MYPN: variants seen among roughly 807,000 people sequenced by gnomAD.
The protein encoded by MYPN is sarcomeric protein myopalladin, 145 kDa (MYOP).
A neutral mutation model predicts 129.4 loss-of-function variants in MYPN; 63 were observed. That is an observed-to-expected ratio of 0.49 (90% confidence interval 0.40 to 0.60). MYPN has a LOEUF of 0.60. Ranked by LOEUF, MYPN falls within the 20% of genes least tolerant of loss-of-function variation. MYPN has a pLI of 0.00. For synonymous variants in MYPN, 629 were observed against 600.9 expected (o/e 1.05, Z -0.68); for missense variants, 1,596 against 1,635.4 (o/e 0.98, Z 0.42).
chr10:68,206,715 C>G, intron 18 of MYPN, 55 bp from the exon 19 acceptor site: 3 of 1,612,732 alleles, frequency 1.9e-6, no homozygotes, highest in Non-Finnish European at 2.5e-6. Context: ...CTAAATTTGA[C>G]AAAGGCATTT....
At chr10:68,136,870 A>G in intron 2 of MYPN, 2 of 914,672 alleles carry the variant, frequency 2.2e-6, no homozygotes, top group African/African-American at 1.7e-5. Flanking sequence ...GCCAAATGTT[A>G]TTAAAGAACA....
intron 2 of MYPN, among the ~76,000 whole-genome samples, chr10:68,130,207 C>T (rs2042387957): frequency 6.6e-6 from 1 of 152,094 alleles, no homozygotes; most frequent in Non-Finnish European, 1.5e-5. Flanking sequence ...CGCCTGTAAT[C>T]CCAGCACTTT....
At chr10:68,088,651 TAAAA>T (rs2041917506) in intron 1 of MYPN, among the ~76,000 whole-genome samples, 1 of 152,198 alleles carries the variant, frequency 6.6e-6, no homozygotes, top group African/African-American at 2.4e-5. Context: ...TCATTAATGG[TAAAA>T]ACCTTCCAGT....
upstream of MYPN, among the ~76,000 whole-genome samples, chr10:68,105,292 C>T (rs1456227257): frequency 2.6e-5 from 4 of 152,174 alleles, no homozygotes; most frequent in South Asian, 8.3e-4. Context: ...GTACCTACTT[C>T]ATAGACGTTA....
chr10:68,098,673 G>A (rs1194075384), intron 1 of MYPN, among the ~76,000 whole-genome samples: 2 of 151,946 alleles, frequency 1.3e-5, no homozygotes, highest in Admixed American at 6.6e-5. Flanking sequence ...GCAAAACCTC[G>A]TCTCTTTAAA....
At chr10:68,127,958 G>C (rs960337175) in intron 2 of MYPN, among the ~76,000 whole-genome samples, 1 of 152,172 alleles carries the variant, frequency 6.6e-6, no homozygotes, top group Middle Eastern at 3.2e-3. Context: ...TATATAATCA[G>C]TGTTTTGCCC....
intron 12 of MYPN, among the ~76,000 whole-genome samples, chr10:68,179,695 C>T (rs905096162): frequency 3.9e-5 from 6 of 152,110 alleles, no homozygotes; most frequent in African/African-American, 1.4e-4. Context: ...GAGTATCACT[C>T]TGTCACCCAG....
chr10:68,092,630 T>C (rs759880074), intron 1 of MYPN, among the ~76,000 whole-genome samples: 1 of 152,218 alleles, frequency 6.6e-6, no homozygotes, highest in Admixed American at 6.5e-5. Context: ...ATTCATGATA[T>C]GTTGATTTTC....
chr10:68,164,957 A>G (rs1249441495), intron 8 of MYPN, among the ~76,000 whole-genome samples: 2 of 152,264 alleles, frequency 1.3e-5, no homozygotes, highest in Non-Finnish European at 2.9e-5. Flanking sequence ...ATTTCAATGC[A>G]AAAGTTCCCC....
rs759998419 is a variant in MYPN, at chr10:68,142,988, C to A, written c.951C>A (p.Ile317=). ...TTGAAAATTCCCCAGATATTCACAT[C>A]GTCCAGGCAGGAAATCTGCACTCAC... The part of the protein sequence containing the change: ...KELENSPDIH[I]VQAGNLHSLT... The change falls in exon 3 of 20, where the codon ATC becomes ATA. Residue 317 remains isoleucine, a synonymous_variant. Coordinates refer to ENST00000358913, the MANE Select transcript of MYPN (RefSeq NM_032578.4). 48 of 1,613,996 alleles carry A rather than the reference C, an allele frequency of 3.0e-5. 1 individual carries two copies. In the South Asian group the frequency reaches 5.2e-4, roughly 17 times the overall value.
At chr10:68,095,349 CAA>C (rs34153833) in intron 1 of MYPN, among the ~76,000 whole-genome samples, 52 of 114,574 alleles carry the variant, frequency 4.5e-4, no homozygotes, top group South Asian at 1.1e-3. Flanking sequence ...GTCCCTGTCT[CAA>C]AAAAAAAAAA....
At chr10:68,208,402 A>AT (rs2043851849) in intron 19 of MYPN, among the ~76,000 whole-genome samples, 1 of 152,152 alleles carries the variant, frequency 6.6e-6, no homozygotes, top group Non-Finnish European at 1.5e-5. Flanking sequence ...ATTTTCCCTT[A>AT]TCCTAGGACT....
At chr10:68,105,354 G>A (rs531138494), upstream of MYPN, among the ~76,000 whole-genome samples, 7 of 152,236 alleles carry the variant, frequency 4.6e-5, no homozygotes, top group East Asian at 3.9e-4. Context: ...ATAGTGCCTC[G>A]CACATAGCTA....
intron 12 of MYPN, among the ~76,000 whole-genome samples, chr10:68,185,156 G>GGGAGGGAAGGAGGGAAGGAGGGAA (rs566794613): frequency 2.0e-5 from 3 of 147,462 alleles, no homozygotes; most frequent in Admixed American, 6.8e-5. Flanking sequence ...GAGGGAGGGA[G>GGGAGGGAAGGAGGGAAGGAGGGAA]GGAGGGAAGG....
At chr10:68,165,188 C>T (rs1173982248) in intron 8 of MYPN, among the ~76,000 whole-genome samples, 1 of 152,090 alleles carries the variant, frequency 6.6e-6, no homozygotes, top group East Asian at 1.9e-4. Context: ...CATGGGGGCT[C>T]ACGCCTGTAA....
chr10:68,144,055 G>T (rs1222559054), intron 3 of MYPN, among the ~76,000 whole-genome samples: 1 of 152,100 alleles, frequency 6.6e-6, no homozygotes, highest in East Asian at 1.9e-4. Flanking sequence ...GTGCCTGGAC[G>T]ATCTGACTTA....
Position 68,121,965 on chromosome 10 carries a change from G to A in MYPN, c.527G>A (p.Arg176His). ...CACAGCTCCAAAAGGATTAGACCTC[G>A]TGCCTGCAAAAACCACAAGAGTAAA... ...KSHSSKRIRP[R>H]ACKNHKSKLE... The change falls in exon 2 of 20, where the codon CGT becomes CAT. Residue 176 changes from arginine (R) to histidine (H), a missense_variant. Arg to His is a conservative substitution (Grantham distance 29). Coordinates refer to ENST00000358913, the MANE Select transcript of MYPN (RefSeq NM_032578.4). 1.9e-6 allele frequency: 3 copies of A among 1,614,146 alleles called. No individual in the cohort carries two copies. The highest frequency in any genetic ancestry group is 2.5e-6 in the Non-Finnish European group (3 of 1,180,034).
At position 68,174,440 on chromosome 10, in the gene MYPN, A is replaced by C; in HGVS notation, c.2348A>C (p.Glu783Ala). Residue 783 changes from glutamate (E) to alanine (A), a missense_variant, in exon 11 of 20, where the codon GAG becomes GCG. By Grantham distance (107) the Glu-to-Ala change is moderately radical (BLOSUM62 -1). Transcript: ENST00000358913. ...CCAGGAGGGCTTTCCATCCAAAATG[A>C]GCCACTCCCACCAGGCCCAACAGAA... ...KSPGGLSIQN[E>A]PLPPGPTEPT... The C allele has an allele frequency of 2.5e-6, 4 of 1,614,124 alleles. No homozygotes were observed. Among genetic ancestry groups the C allele is most frequent in the African/African-American group, 1.3e-5 (1 of 75,030 alleles).
At chr10:68,095,519 A>G (rs1423901666) in intron 1 of MYPN, among the ~76,000 whole-genome samples, 1 of 152,190 alleles carries the variant, frequency 6.6e-6, no homozygotes, top group Non-Finnish European at 1.5e-5. Flanking sequence ...CCAGCCATTT[A>G]CAACTCCACA....
Sources: gnomAD v4.1 joint callset for allele counts (sites outside exome capture counted in the v4.1 genomes callset) on GRCh38, gnomAD v4.1.1 for gene constraint, MANE v1.5 for transcripts, NCBI Gene and HGNC (gene_info 2026-07-23, HGNC 2026-07-21) for gene names.